NFATC3: variants seen among roughly 807,000 people sequenced by gnomAD.
NFATC3 encodes the protein nuclear factor of activated T cells 3.
NFATC3 carries 46 observed loss-of-function variants against 98.6 expected under a neutral mutation model. The ratio of observed to expected loss-of-function variants is 0.47; its 90% CI spans 0.37 to 0.60. The LOEUF (loss-of-function observed/expected upper bound fraction) is 0.60. Ranked by LOEUF, NFATC3 falls within the 20% of genes least tolerant of loss-of-function variation. The probability of loss-of-function intolerance (pLI) is 0.00; values close to 1 mark genes in which losing one functional copy is unlikely to be tolerated. For missense variants in NFATC3, 1,256 were observed against 1,295.5 expected (o/e 0.97, Z 0.47); for synonymous variants, 512 against 472.2 (o/e 1.08, Z -1.09).
rs959274400 is a variant in NFATC3 at position 68,096,014 on chromosome 16, G to T, written c.103+10230G>T. On this transcript the variant is annotated intron_variant, in intron 1 of 9. Transcript: ENST00000346183. Reference sequence around the variant, plus strand: ...TTCTTAAAATTTATTTTGAGACAGGGTCTCACTTTGTTGCCCAGGCTGGAG... The same window carrying T: ...TTCTTAAAATTTATTTTGAGACAGGTTCTCACTTTGTTGCCCAGGCTGGAG... Among the ~76,000 whole-genome samples, 4 of 152,202 alleles carry T rather than the reference G, an allele frequency of 2.6e-5. No individual in the cohort carries two copies. In the East Asian group the frequency reaches 7.7e-4, roughly 29 times the overall value.
At chr16:68,087,962 C>A (rs996042429) in intron 1 of NFATC3, among the ~76,000 whole-genome samples, 6 of 152,040 alleles carry the variant, frequency 3.9e-5, no homozygotes, top group African/African-American at 1.2e-4. Context: ...GAACACATAG[C>A]AATTAATTTT....
At chr16:68,206,763 G>T (rs531937472) in intron 9 of NFATC3, among the ~76,000 whole-genome samples, 2 of 152,154 alleles carry the variant, frequency 1.3e-5, no homozygotes, top group East Asian at 1.9e-4. Flanking sequence ...TGGGTGGATT[G>T]CCTGAGCCCA....
At chr16:68,218,022 A>G in intron 9 of NFATC3, 1 of 1,145,226 alleles carries the variant, frequency 8.7e-7, no homozygotes, top group Non-Finnish European at 1.1e-6. Flanking sequence ...TTCTGTCTGT[A>G]GCTTGAAAAA....
At chr16:68,198,829 A>ATGAGGTCAGGAGGTCGAGATC (rs2040780985) in intron 9 of NFATC3, among the ~76,000 whole-genome samples, 1 of 152,154 alleles carries the variant, frequency 6.6e-6, no homozygotes. Flanking sequence ...CGGGCAGATC[A>ATGAGGTCAGGAGGTCGAGATC]TGAGGTCAGG....
intron 9 of NFATC3, among the ~76,000 whole-genome samples, chr16:68,202,213 A>T (rs1287752572): frequency 6.6e-6 from 1 of 152,198 alleles, no homozygotes; most frequent in East Asian, 1.9e-4. Context: ...TGACACTGCC[A>T]CTTGCAGGCT....
intron 9 of NFATC3, among the ~76,000 whole-genome samples, chr16:68,219,713 A>G (rs2041785153): frequency 1.3e-5 from 2 of 152,238 alleles, no homozygotes; most frequent in South Asian, 4.1e-4. Flanking sequence ...AGAGGAAATA[A>G]CATATAAATG....
chr16:68,101,979 T>C (rs1229377400), intron 1 of NFATC3, among the ~76,000 whole-genome samples: 1 of 152,178 alleles, frequency 6.6e-6, no homozygotes, highest in East Asian at 1.9e-4. Flanking sequence ...ATTTCTGTTA[T>C]TGTGTTGTCA....
At chr16:68,153,191 C>T (rs535779987) in intron 3 of NFATC3, among the ~76,000 whole-genome samples, 4 of 152,146 alleles carry the variant, frequency 2.6e-5, no homozygotes, top group Admixed American at 2.6e-4. Context: ...GAGGCCAGGG[C>T]AGGTGGATCA....
intron 6 of NFATC3, among the ~76,000 whole-genome samples, chr16:68,178,590 A>G (rs1219822745): frequency 1.3e-5 from 2 of 152,226 alleles, no homozygotes; most frequent in African/African-American, 4.8e-5. Flanking sequence ...TATTCCAGAT[A>G]AAATTGTATG....
At chr16:68,138,217 T>C (rs2037549732) in intron 3 of NFATC3, among the ~76,000 whole-genome samples, 1 of 151,710 alleles carries the variant, frequency 6.6e-6, no homozygotes, top group Non-Finnish European at 1.5e-5. Context: ...TTTTTGTATT[T>C]TTAGTAGAGA....
intron 3 of NFATC3, among the ~76,000 whole-genome samples, chr16:68,144,670 A>T (rs543522911): frequency 0.019 from 2,818 of 151,234 alleles, 38 homozygotes; most frequent in Non-Finnish European, 0.03. Flanking sequence ...TATTTTTTTT[A>T]TTTTTTAGAT....
intron 9 of NFATC3, among the ~76,000 whole-genome samples, chr16:68,192,647 C>G (rs1171668063): frequency 6.6e-6 from 1 of 151,892 alleles, no homozygotes; most frequent in Non-Finnish European, 1.5e-5. Context: ...TCTCTTGAGC[C>G]CAGAACTTCA....
Position 68,149,959 on chromosome 16 carries a change from A to T in NFATC3, c.1402-7910A>T, listed in dbSNP as rs1175477446. On this transcript the variant is annotated intron_variant, in intron 3 of 9. Transcript: ENST00000346183. ...TATTTGATATTTAATAAGATTGAGC[A>T]TTTTTCCATTTATTTATTAGCTGTT... 2.0e-5 allele frequency among the ~76,000 whole-genome samples: 3 copies of T among 152,012 alleles called. No individual in the cohort carries two copies. In the East Asian group the frequency reaches 5.8e-4, roughly 29 times the overall value.
intron 1 of NFATC3, among the ~76,000 whole-genome samples, chr16:68,104,653 G>GTTTTTTTTTTTTTTTTTTTTTTTTTTT (rs778016298): frequency 7.9e-5 from 10 of 126,694 alleles, no homozygotes; most frequent in African/African-American, 1.3e-4. Context: ...TTCACAAATG[G>GTTTTTTTTTTTTTTTTTTTTTTTTTTT]TTTTTTTTTT....
At chr16:68,219,909 A>G (rs1805303405) in intron 9 of NFATC3, among the ~76,000 whole-genome samples, 1 of 152,228 alleles carries the variant, frequency 6.6e-6, no homozygotes, top group Admixed American at 6.5e-5. Flanking sequence ...TGAATTCTTA[A>G]GCATGGGAAA....
rs548559783 is a variant in NFATC3, at chr16:68,118,614, C to T, written c.104-3373C>T. Among the ~76,000 whole-genome samples, 125 of 152,216 alleles carry T rather than the reference C, an allele frequency of 8.2e-4. 1 individual carries two copies. The highest frequency in any genetic ancestry group is 3.0e-3 in the African/African-American group (124 of 41,528). On this transcript the variant is annotated intron_variant, in intron 1 of 9. Coordinates refer to ENST00000346183, the MANE Select transcript of NFATC3 (RefSeq NM_173165.3). The stretch of plus-strand genomic sequence containing the variant: ...TTGCCTACTTTCTTCTCTATTTGTA[C>T]TAATTTCTTAGTGATCTTTTGGTCT...
At chr16:68,143,730 A>C (rs529687319) in intron 3 of NFATC3, among the ~76,000 whole-genome samples, 2 of 152,084 alleles carry the variant, frequency 1.3e-5, no homozygotes, top group Non-Finnish European at 2.9e-5. Context: ...GCTCACCTCT[A>C]GACCCAGCTA....
intron 9 of NFATC3, chr16:68,192,231 ATATATAT>A (rs1426768826): frequency 1.8e-4 from 3 of 16,512 alleles, no homozygotes; most frequent in African/African-American, 3.0e-4. Flanking sequence ...AAAAAAAAAA[ATATATAT>A]ATATATATAT....
chr16:68,171,046 C>T (rs1165118962), intron 5 of NFATC3, among the ~76,000 whole-genome samples: 2 of 151,684 alleles, frequency 1.3e-5, no homozygotes, highest in African/African-American at 2.4e-5. Flanking sequence ...CTTGCTCTGT[C>T]GCCCAGGCTG....
Sources: gnomAD v4.1 joint callset for allele counts (sites outside exome capture counted in the v4.1 genomes callset) on GRCh38, gnomAD v4.1.1 for gene constraint, MANE v1.5 for transcripts, NCBI Gene and HGNC (gene_info 2026-07-23, HGNC 2026-07-21) for gene names.